Variants in CRYBG3 observed in about 807,000 individuals in gnomAD.
The protein encoded by CRYBG3 is crystallin beta-gamma domain containing 3.
A neutral mutation model predicts 244.2 loss-of-function variants in CRYBG3; 127 were observed. The observed-to-expected ratio is 0.52, with a 90% CI of 0.45 to 0.60. CRYBG3 has a LOEUF of 0.60. CRYBG3 is among the 20% of genes least tolerant of loss of function. The pLI, the probability that CRYBG3 is intolerant of heterozygous loss-of-function variation, is 0.00. For missense variants in CRYBG3, 3,325 were observed against 3,442.5 expected, an observed-to-expected ratio of 0.97 and a Z score of 0.85; for synonymous variants, 1,132 against 1,195.8, an observed-to-expected ratio of 0.95 and a Z score of 1.10.
At chr3:97,857,948 T>C (rs2039089834) in intron 2 of CRYBG3, among the ~76,000 whole-genome samples, 1 of 152,116 alleles carries the variant, frequency 6.6e-6, no homozygotes. Context: ...GTTTGATTAC[T>C]TTATCTCATT....
At chr3:97,917,943 T>C (rs1575964773) in intron 17 of CRYBG3, among the ~76,000 whole-genome samples, 1 of 152,294 alleles carries the variant, frequency 6.6e-6, no homozygotes, top group East Asian at 1.9e-4. Flanking sequence ...TGATTCATTC[T>C]GATTCTTTCT....
At chr3:97,907,151 T>A (rs2039785880) in intron 15 of CRYBG3, among the ~76,000 whole-genome samples, 3 of 152,220 alleles carry the variant, frequency 2.0e-5, no homozygotes, top group Non-Finnish European at 4.4e-5. Context: ...GGTTTGCCAG[T>A]ATTTTATTGA....
chr3:97,910,155 G>A (rs2039849583), intron 15 of CRYBG3, among the ~76,000 whole-genome samples: 1 of 151,512 alleles, frequency 6.6e-6, no homozygotes, highest in African/African-American at 2.4e-5. Context: ...CTTCAAAGCT[G>A]TCAGACAGGG....
chr3:97,864,134 A>C (rs910557476), intron 2 of CRYBG3, 83 bp from the exon 3 acceptor site: 1 of 1,131,062 alleles, frequency 8.8e-7, no homozygotes, highest in Non-Finnish European at 1.2e-6. Flanking sequence ...TGGTGTCTAC[A>C]CAGAATCTGT....
Position 97,873,202 on chromosome 3 carries a change from G to A in CRYBG3, c.2008G>A (p.Asp670Asn). The A allele has an allele frequency of 2.0e-6, 3 of 1,535,892 alleles. No individual in the cohort carries two copies. Among genetic ancestry groups the A allele is most frequent in the Non-Finnish European group, 8.7e-7 (1 of 1,146,798 alleles). The change falls in exon 4 of 22, where the codon GAT (aspartate) becomes AAT (asparagine). Residue 670 changes from aspartate to asparagine, a missense_variant. Asp to Asn is a conservative substitution (Grantham distance 23, BLOSUM62 1). Around this residue, in one of 4 missense-constraint regions of CRYBG3, gnomAD observed 1,526 missense variants for 1,443.2 expected, o/e 1.06. Transcript: ENST00000389622. ...VSGVGMLSKLDIPDLMNEGSP... is the reference protein window; with the variant it reads ...VSGVGMLSKLNIPDLMNEGSP... ...TGGAGTTGGGATGCTGAGCAAGTTGGATATTCCTGATTTAATGAATGAGGG... is the reference window on the plus strand; with the variant it reads ...TGGAGTTGGGATGCTGAGCAAGTTGAATATTCCTGATTTAATGAATGAGGG...
At chr3:97,934,202 G>T (rs2040133628) in intron 18 of CRYBG3, among the ~76,000 whole-genome samples, 1 of 152,036 alleles carries the variant, frequency 6.6e-6, no homozygotes, top group Non-Finnish European at 1.5e-5. Flanking sequence ...ACACTGGTTG[G>T]CCTAGCCTGC....
At position 97,898,959 on chromosome 3, in the gene CRYBG3, A is replaced by T; in HGVS notation, c.7778A>T (p.Glu2593Val). ...SGKFIDITNQEISDLEEIGFG... is the reference protein window; with the variant it reads ...SGKFIDITNQVISDLEEIGFG... ...AAGTTTATTGACATTACAAATCAGG[A>T]AATTTCTGATTTGGAAGAAATTGGC... Residue 2593 changes from glutamate (E) to valine (V), a missense_variant, in exon 13 of 22, where the codon GAA becomes GTA. Glu to Val is a moderately radical substitution (Grantham distance 121). This residue lies in a region of CRYBG3 where 714 missense variants were observed against 803.6 expected (regional missense o/e 0.89). Transcript: ENST00000389622. The T allele has an allele frequency of 6.2e-7, 1 of 1,612,700 alleles. No individual in the cohort carries two copies. The highest frequency in any genetic ancestry group is 8.5e-7 in the Non-Finnish European group (1 of 1,179,062).
intron 17 of CRYBG3, among the ~76,000 whole-genome samples, chr3:97,930,140 T>C (rs1447907274): frequency 6.6e-6 from 1 of 152,086 alleles, no homozygotes; most frequent in Non-Finnish European, 1.5e-5. Flanking sequence ...GTTAACATCA[T>C]GTAACCAGTA....
chr3:97,872,897 A>C lies in CRYBG3; in HGVS notation c.1703A>C (p.Lys568Thr). 6.5e-7 allele frequency: 1 copy of C among 1,530,654 alleles called. No homozygotes were observed. Among genetic ancestry groups the C allele is most frequent in the Non-Finnish European group, 8.7e-7 (1 of 1,145,578 alleles). 94.8% of individuals were successfully genotyped at this position (1,530,654 alleles called of 1,614,324 possible). Residue 568 changes from lysine (K) to threonine (T), a missense_variant, in exon 4 of 22, where the codon AAA (lysine) becomes ACA (threonine). Physicochemically the swap from Lys to Thr is moderately conservative, Grantham distance 78 (BLOSUM62 -1). Transcript: ENST00000389622. ...GACCAATACTTTGAAACCAAAGCCA[A>C]AAAGCTTGATTTTAGGTCACATGAT... ...DTDQYFETKAKKLDFRSHDKI... is the reference protein window; with the variant it reads ...DTDQYFETKATKLDFRSHDKI...
intron 1 of CRYBG3, among the ~76,000 whole-genome samples, chr3:97,825,615 A>G (rs959574071): frequency 6.6e-6 from 1 of 152,196 alleles, no homozygotes; most frequent in Non-Finnish European, 1.5e-5. Flanking sequence ...CCTTTGCAAG[A>G]TGTTTGGTAT....
intron 17 of CRYBG3, among the ~76,000 whole-genome samples, chr3:97,916,118 A>AAAGT (rs1484818190): frequency 6.6e-6 from 1 of 152,188 alleles, no homozygotes; most frequent in Non-Finnish European, 1.5e-5. Context: ...TGATGCTTAT[A>AAAGT]AAGTGCACAG....
intron 17 of CRYBG3, 76 bp downstream of exon 17, chr3:97,915,812 A>G (rs1222354179): frequency 5.2e-6 from 6 of 1,144,214 alleles, no homozygotes; most frequent in Admixed American, 2.4e-5. Context: ...GATAATGTGA[A>G]GTTGGAAGAA....
intron 4 of CRYBG3, 39 bp downstream of exon 4, chr3:97,878,076 A>AT: frequency 6.6e-7 from 1 of 1,511,442 alleles, no homozygotes; most frequent in Non-Finnish European, 8.9e-7. Flanking sequence ...ATAGTTATTA[A>AT]AGCTTTGGGT....
In CRYBG3 at chr3:97,873,246, A is replaced by C. The variant is rs2039326865; in HGVS notation, c.2052A>C (p.Glu684Asp). The change falls in exon 4 of 22, where the codon GAA (glutamate) becomes GAC (aspartate). Residue 684 changes from glutamate (E) to aspartate (D), a missense_variant. By Grantham distance (45) the Glu-to-Asp change is conservative (BLOSUM62 2). Around this residue, in one of 4 missense-constraint regions of CRYBG3, gnomAD observed 1,526 missense variants for 1,443.2 expected, o/e 1.06. Coordinates refer to ENST00000389622, the MANE Select transcript of CRYBG3 (RefSeq NM_153605.4). Reference protein sequence around the residue: ...LMNEGSPVPIETGNVNIVGIS... With the variant: ...LMNEGSPVPIDTGNVNIVGIS... ...ATGAGGGTTCTCCTGTGCCCATTGA[A>C]ACTGGGAATGTCAACATTGTTGGTA... The C allele has an allele frequency of 6.5e-7, 1 of 1,535,268 alleles. No homozygotes were observed. Among genetic ancestry groups the C allele is most frequent in the Non-Finnish European group, 8.7e-7 (1 of 1,146,604 alleles).
rs193129781 is a variant in CRYBG3, at chr3:97,913,916, A to G, written c.8114+1640A>G. On this transcript the variant is annotated intron_variant, in intron 16 of 21. Coordinates refer to ENST00000389622, the MANE Select transcript of CRYBG3 (RefSeq NM_153605.4). ...GTAGATTGCATATGTGCTTTCCAGC[A>G]TACCATAATCACCACCATTCCCAAT... 8.5e-5 allele frequency among the ~76,000 whole-genome samples: 13 copies of G among 152,308 alleles called. No homozygotes were observed. In the East Asian group the frequency reaches 2.5e-3, roughly 29 times the overall value.
intron 1 of CRYBG3, among the ~76,000 whole-genome samples, chr3:97,831,125 A>T (rs2038648654): frequency 6.6e-6 from 1 of 152,222 alleles, no homozygotes; most frequent in Non-Finnish European, 1.5e-5. Context: ...ATGCTTATAT[A>T]CCCCACCTCT....
At chr3:97,886,794 G>C (rs752703868) in intron 8 of CRYBG3, 27 bp downstream of exon 8, 1 of 1,509,250 alleles carries the variant, frequency 6.6e-7, no homozygotes, top group Non-Finnish European at 8.9e-7. Context: ...TTTTATTATA[G>C]TGATTGATGG....
chr3:97,924,015 A>G (rs1474247447), intron 17 of CRYBG3, among the ~76,000 whole-genome samples: 1 of 152,094 alleles, frequency 6.6e-6, no homozygotes, highest in Non-Finnish European at 1.5e-5. Flanking sequence ...TTTAAGAACA[A>G]CATGTAGGGT....
chr3:97,866,788 G>A lies in CRYBG3; in HGVS notation c.647+2141G>A, dbSNP rs1576531819. Among the ~76,000 whole-genome samples the A allele has an allele frequency of 2.0e-5, 3 of 152,066 alleles. No homozygotes were observed. The East Asian group carries it at 5.8e-4, about 29-fold the overall frequency. ...ATTTATTGTTACTAAATAATAACTTGTTAGTAGAATAATTCCTTGTAAATA... is the reference window on the plus strand; with the variant it reads ...ATTTATTGTTACTAAATAATAACTTATTAGTAGAATAATTCCTTGTAAATA... On this transcript the variant is annotated intron_variant, in intron 3 of 21. Transcript: ENST00000389622.
Sources: allele counts gnomAD v4.1 joint callset (sites outside exome capture counted in the v4.1 genomes callset), GRCh38; gene constraint gnomAD v4.1.1; regional missense constraint gnomAD v4.1.1; transcripts MANE v1.5; gene names NCBI Gene and HGNC (gene_info 2026-07-23, HGNC 2026-07-21).